Variants in SASH1 observed in about 807,000 individuals in gnomAD.
SASH1 encodes the protein SAM and SH3 domain-containing protein 1.
Under a neutral mutation model 125.2 loss-of-function variants are expected in SASH1, and 44 were observed. The ratio of observed to expected loss-of-function variants is 0.35; its 90% CI spans 0.28 to 0.45. The LOEUF is 0.45. Ranked by LOEUF, SASH1 falls within the 20% of genes least tolerant of loss-of-function variation. SASH1 has a pLI of 1.00. For missense variants in SASH1, 1,426 were observed against 1,614.5 expected (o/e 0.88, Z 2.00); for synonymous variants, 639 against 649.1 (o/e 0.98, Z 0.24).
rs1782889129 is a variant in SASH1, at chr6:148,551,820, T to G, written c.*3262T>G. 6.5e-6 allele frequency: 1 copy of G among 152,688 alleles called. No homozygotes were observed. Among genetic ancestry groups the G allele is most frequent in the Non-Finnish European group, 1.5e-5 (1 of 68,044 alleles). The allele number at this position is 152,688 out of a possible 1,614,324, so 9.5% of individuals were successfully genotyped here. A position where few individuals can be genotyped will look rare whatever the true frequency, so the allele number is the denominator to read the frequency against. On this transcript the variant is annotated 3_prime_UTR_variant, in exon 20 of 20. Coordinates refer to ENST00000367467, the MANE Select transcript of SASH1 (RefSeq NM_015278.5). ...ATAACTTATTTTTCTCCATTGCTGTTCTTAAAAACATTGTAAGTAGCTGTA... is the reference window on the plus strand; with the variant it reads ...ATAACTTATTTTTCTCCATTGCTGTGCTTAAAAACATTGTAAGTAGCTGTA...
At chr6:148,281,674 G>C (rs922388235) in intron 1 of SASH1, among the ~76,000 whole-genome samples, 1 of 152,126 alleles carries the variant, frequency 6.6e-6, no homozygotes, top group Non-Finnish European at 1.5e-5. Flanking sequence ...TGTAATCCCA[G>C]CACTTTGGGA....
chr6:148,507,829 C>G (rs948237549), intron 8 of SASH1, among the ~76,000 whole-genome samples: 2 of 152,174 alleles, frequency 1.3e-5, no homozygotes, highest in Admixed American at 1.3e-4. Flanking sequence ...GGAGGGACAT[C>G]TAGAAACAAG....
At chr6:148,307,077 TTTCTTTC>T in intron 1 of SASH1, among the ~76,000 whole-genome samples, 1 of 148,916 alleles carries the variant, frequency 6.7e-6, no homozygotes, top group South Asian at 2.1e-4. Context: ...TCTTTCTTTC[TTTCTTTC>T]TTTCTTTCTT....
At chr6:148,234,769 A>G in the SASH1 span, among the ~76,000 whole-genome samples, 2 of 151,784 alleles carry the variant, frequency 1.3e-5, no homozygotes, top group African/African-American at 2.4e-5. Context: ...GGAGGTTGCA[A>G]TGAGCCGAGA....
At chr6:148,319,344 T>C (rs1293857050) in intron 1 of SASH1, among the ~76,000 whole-genome samples, 1 of 150,764 alleles carries the variant, frequency 6.6e-6, no homozygotes, top group African/African-American at 2.5e-5. Context: ...CCCATTTATC[T>C]TTTTTTACCC....
At chr6:148,438,725 CAAAAAA>C (rs60769463) in intron 2 of SASH1, among the ~76,000 whole-genome samples, 8 of 96,424 alleles carry the variant, frequency 8.3e-5, no homozygotes, top group South Asian at 7.6e-4. Flanking sequence ...TTCATTGTGG[CAAAAAA>C]AAAAAAAAAA....
chr6:148,494,421 T>G (rs1779229818), intron 8 of SASH1, among the ~76,000 whole-genome samples: 1 of 152,166 alleles, frequency 6.6e-6, no homozygotes, highest in African/African-American at 2.4e-5. Flanking sequence ...AGGGAAATGT[T>G]GTTTTGAGTG....
At chr6:148,272,373 G>A (rs1779083643) in exon 1 of SASH1, 1 of 470,764 alleles carries the variant, frequency 2.1e-6, no homozygotes, top group African/African-American at 2.0e-5. Flanking sequence ...GAACAAGATT[G>A]CAGGGTATGT....
At chr6:148,226,788 T>G in the SASH1 span, among the ~76,000 whole-genome samples, 3 of 152,166 alleles carry the variant, frequency 2.0e-5, no homozygotes, top group Non-Finnish European at 4.4e-5. Flanking sequence ...TTCCGGTATC[T>G]TTCTCTTTTT....
chr6:148,322,917 T>TTCTTC lies in SASH1; in HGVS notation n.74+50541_74+50542insCTTCT, dbSNP rs1780682612. On this transcript the variant is annotated intron_variant and non_coding_transcript_variant, in intron 1 of 3. Transcript: ENST00000367469. ...CTTTCTTTCTCTCTCTTTCTTTCTTTTTTCTTTCTCTCTTTCTTTTCCTTC... is the reference window on the plus strand; with the variant it reads ...CTTTCTTTCTCTCTCTTTCTTTCTTTTCTTCTTTCTTTCTCTCTTTCTTTTCCTTC... 5.5e-5 allele frequency among the ~76,000 whole-genome samples: 7 copies of TTCTTC among 126,140 alleles called. No individual in the cohort carries two copies. The South Asian group carries it at 1.8e-3, about 33-fold the overall frequency. The allele number at this position is 126,140 out of a possible 152,430, so 82.8% of individuals were successfully genotyped here.
intron 1 of SASH1, among the ~76,000 whole-genome samples, chr6:148,325,261 T>TTGTTGTTGTTGTTGTTG (rs147161125): frequency 0.16 from 24,725 of 149,898 alleles, 2,107 homozygotes; most frequent in Middle Eastern, 0.21. Context: ...AAAAGCCTCT[T>TTGTTGTTGTTGTTGTTG]TTGTTGTTGT....
At chr6:148,285,895 G>A (rs578112334) in intron 1 of SASH1, among the ~76,000 whole-genome samples, 9 of 152,156 alleles carry the variant, frequency 5.9e-5, no homozygotes, top group African/African-American at 2.2e-4. Flanking sequence ...GAAGTCTCTG[G>A]TTGCTTGCAT....
At chr6:148,379,579 T>C (rs1783050899) in intron 1 of SASH1, among the ~76,000 whole-genome samples, 2 of 152,128 alleles carry the variant, frequency 1.3e-5, no homozygotes, top group African/African-American at 4.8e-5. Context: ...AAGAGAGGGA[T>C]CAACTTTACT....
chr6:148,326,940 T>A (rs565493823), intron 1 of SASH1, among the ~76,000 whole-genome samples: 1 of 152,294 alleles, frequency 6.6e-6, no homozygotes, highest in Non-Finnish European at 1.5e-5. Context: ...GACTTTACAA[T>A]CTTTAACATC....
intron 1 of SASH1, 125 bp downstream of exon 1, chr6:148,343,348 T>G (rs1781407756): frequency 1.2e-6 from 1 of 838,864 alleles, no homozygotes; most frequent in South Asian, 1.8e-5. Context: ...TCTCTGGCTC[T>G]AGTTCTTAGG....
chr6:148,525,443 G>C, intron 11 of SASH1, 78 bp downstream of exon 11: 1 of 1,142,138 alleles, frequency 8.8e-7, no homozygotes, highest in Non-Finnish European at 1.3e-6. Context: ...GAGTATCTTT[G>C]AGAATTGATA....
the SASH1 span, among the ~76,000 whole-genome samples, chr6:148,257,164 A>T: frequency 1.3e-5 from 2 of 152,178 alleles, no homozygotes; most frequent in Non-Finnish European, 2.9e-5. Context: ...ATCCAGAAGC[A>T]TGGAGTTCAG....
chr6:148,391,097 A>C (rs997451715), intron 2 of SASH1, among the ~76,000 whole-genome samples: 20 of 150,238 alleles, frequency 1.3e-4, no homozygotes, highest in Non-Finnish European at 2.4e-4. Context: ...AAACTAGCCC[A>C]CCACTAAAGA....
chr6:148,323,621 A>G (rs1363524878), intron 1 of SASH1, among the ~76,000 whole-genome samples: 1 of 152,194 alleles, frequency 6.6e-6, no homozygotes, highest in South Asian at 2.1e-4. Flanking sequence ...TCAGTAAGCA[A>G]TTACAAAGAA....
Sources: gnomAD v4.1 joint callset for allele counts (sites outside exome capture counted in the v4.1 genomes callset) on GRCh38, gnomAD v4.1.1 for gene constraint, MANE v1.5 for transcripts, NCBI Gene and HGNC (gene_info 2026-07-23, HGNC 2026-07-21) for gene names.